Variants in KANSL1 observed in about 807,000 individuals in gnomAD.
KANSL1 encodes the protein MLL1/MLL complex subunit KANSL1.
In KANSL1, 22 loss-of-function variants were observed where a neutral mutation model predicts 103.6. The observed-to-expected ratio is 0.21, with a 90% CI of 0.15 to 0.30. KANSL1 has a LOEUF of 0.30. Among genes scored for constraint, KANSL1 ranks in the 10% least tolerant of loss-of-function variants. KANSL1 has a pLI of 1.00. For missense variants in KANSL1, 1,337 were observed against 1,399.8 expected (o/e 0.96, Z 0.72); for synonymous variants, 600 against 527.6 (o/e 1.14, Z -1.88).
At chr17:46,178,574 A>G (rs1305054952) in intron 1 of KANSL1, among the ~76,000 whole-genome samples, 1 of 152,252 alleles carries the variant, frequency 6.6e-6, no homozygotes, top group Non-Finnish European at 1.5e-5. Context: ...TTGTACAGAT[A>G]AAAGAAAAGG....
At chr17:46,074,971 T>G (rs1001734365) in intron 4 of KANSL1, among the ~76,000 whole-genome samples, 1 of 151,966 alleles carries the variant, frequency 6.6e-6, no homozygotes, top group African/African-American at 2.4e-5. Flanking sequence ...TCTGTGGCAT[T>G]CCTGTAAAAC....
rs193059869 is a variant in KANSL1 at position 46,085,529 on chromosome 17, A to C, written c.1432-2987T>G. 1.5e-3 allele frequency among the ~76,000 whole-genome samples: 225 copies of C among 152,266 alleles called. 1 individual carries two copies. The highest frequency in any genetic ancestry group is 5.2e-3 in the African/African-American group (217 of 41,558). On this transcript the variant is annotated intron_variant, in intron 3 of 14. Coordinates refer to ENST00000432791, the MANE Select transcript of KANSL1 (RefSeq NM_015443.4). ...TGTTGAGACAGGGTCAAGCTCTGTC[A>C]CCTGTGCTGGAGTGCAGTGGTGTGG...
At chr17:46,039,389 G>A (rs766517189) in intron 8 of KANSL1, 174 bp from the exon 9 acceptor site, 159 of 634,552 alleles carry the variant, frequency 2.5e-4, no homozygotes, top group Middle Eastern at 1.7e-3. Flanking sequence ...TAGGCACAGG[G>A]AGCCCAGAAC....
intron 1 of KANSL1, among the ~76,000 whole-genome samples, chr17:46,209,952 G>A (rs1263266222): frequency 1.3e-5 from 2 of 152,130 alleles, no homozygotes; most frequent in Non-Finnish European, 2.9e-5. Flanking sequence ...TGACATATTA[G>A]GTACTCAATA....
At position 46,131,091 on chromosome 17, in the gene KANSL1, A is replaced by C. The variant is rs529464345; in HGVS notation, c.1290-36390T>G. On this transcript the variant is annotated intron_variant, in intron 2 of 14. Coordinates refer to ENST00000432791, the MANE Select transcript of KANSL1 (RefSeq NM_015443.4). ...ATCTTCACCTCATTATAGATACTCA[A>C]ACTGCCACCCGTCTTATTTTTAAAT... Among the ~76,000 whole-genome samples, 7 of 152,304 alleles carry C rather than the reference A, an allele frequency of 4.6e-5. No individual in the cohort carries two copies. The East Asian group carries it at 1.3e-3, about 29-fold the overall frequency.
At chr17:46,160,734 A>AAT (rs1301607233) in intron 2 of KANSL1, among the ~76,000 whole-genome samples, 10 of 152,364 alleles carry the variant, frequency 6.6e-5, no homozygotes, top group African/African-American at 2.4e-4. Context: ...ATTAATGTAT[A>AAT]ATAGTCTTCT....
At chr17:46,043,115 G>C (rs547171816) in intron 7 of KANSL1, 1 of 152,322 alleles carries the variant, frequency 6.6e-6, no homozygotes, top group East Asian at 1.9e-4. Flanking sequence ...ATGTATAAAA[G>C]AGGCTCAAGA....
chr17:46,101,754 C>CAAAAAAAAAAAAAAAAAAAAAAAAAAA (rs372439614), intron 2 of KANSL1, among the ~76,000 whole-genome samples: 1 of 93,682 alleles, frequency 1.1e-5, no homozygotes, highest in Non-Finnish European at 1.8e-5. Flanking sequence ...ACTCTGTCTA[C>CAAAAAAAAAAAAAAAAAAAAAAAAAAA]AAAAAAAAAA....
At chr17:46,170,764 A>G in intron 2 of KANSL1, 91 bp downstream of exon 2, 1 of 1,381,030 alleles carries the variant, frequency 7.2e-7, no homozygotes, top group South Asian at 1.3e-5. Context: ...CCTATGTACA[A>G]AGAATCACAT....
chr17:46,166,085 G>A (rs1262739011), intron 2 of KANSL1, among the ~76,000 whole-genome samples: 2 of 151,606 alleles, frequency 1.3e-5, no homozygotes, highest in Non-Finnish European at 2.9e-5. Context: ...GGTGGTGGGC[G>A]CCTGTAATCC....
chr17:46,160,466 CTTTT>C (rs1028581933), intron 2 of KANSL1, among the ~76,000 whole-genome samples: 1 of 151,900 alleles, frequency 6.6e-6, no homozygotes, highest in African/African-American at 2.4e-5. Context: ...CGCCTGGCTA[CTTTT>C]TTTTGTAGAG....
intron 4 of KANSL1, among the ~76,000 whole-genome samples, chr17:46,079,035 T>TA (rs111411180): frequency 0.14 from 21,748 of 152,072 alleles, 2,128 homozygotes; most frequent in Non-Finnish European, 0.22. Context: ...GAGGTTAAAA[T>TA]AAAAAAAGAG....
chr17:46,177,916 T>C (rs2046603097), intron 1 of KANSL1, among the ~76,000 whole-genome samples: 1 of 152,234 alleles, frequency 6.6e-6, no homozygotes, highest in Admixed American at 6.5e-5. Context: ...TAGCTGGAAC[T>C]ACAGGCGTCC....
chr17:46,039,860 T>C lies in KANSL1; in HGVS notation c.2045A>G (p.Gln682Arg). ...PDDVPTSLHFQSMLKSQWQNK... is the reference protein window; with the variant it reads ...PDDVPTSLHFRSMLKSQWQNK... ...CTGCCACTGAGATTTCAGCATGCTC[T>C]GGAAATGCAGGCTTGTGGGAACATC... The change falls in exon 8 of 15, where the codon CAG becomes CGG. Residue 682 changes from glutamine to arginine, a missense_variant. Gln to Arg is a conservative substitution (Grantham distance 43, BLOSUM62 1). Transcript: ENST00000432791. 6.2e-7 allele frequency: 1 copy of C among 1,614,224 alleles called. No homozygotes were observed. The highest frequency in any genetic ancestry group is 8.5e-7 in the Non-Finnish European group (1 of 1,180,030).
At chr17:46,039,300 T>C in intron 8 of KANSL1, 85 bp from the exon 9 acceptor site, 4 of 1,288,240 alleles carry the variant, frequency 3.1e-6, no homozygotes, top group Non-Finnish European at 3.1e-6. Context: ...GAGTTCTCTC[T>C]AGGCCAACGC....
intron 7 of KANSL1, chr17:46,045,385 T>C (rs1317237109): frequency 6.6e-6 from 1 of 151,164 alleles, no homozygotes; most frequent in Non-Finnish European, 1.5e-5. Flanking sequence ...GTCAACCAAC[T>C]GAGGTGTAAT....
chr17:46,148,626 G>A (rs1293503725), intron 2 of KANSL1, among the ~76,000 whole-genome samples: 9 of 147,334 alleles, frequency 6.1e-5, no homozygotes, highest in African/African-American at 1.5e-4. Flanking sequence ...TCCCTCTGTC[G>A]CCCAGGCTGA....
At chr17:46,135,542 ATTTT>A (rs34258265) in intron 2 of KANSL1, among the ~76,000 whole-genome samples, 5 of 119,068 alleles carry the variant, frequency 4.2e-5, no homozygotes, top group Admixed American at 8.3e-5. Flanking sequence ...TCAACTATAC[ATTTT>A]TTTTTTTTTT....
At chr17:46,045,280 T>C (rs2077463762) in intron 7 of KANSL1, 1 of 152,160 alleles carries the variant, frequency 6.6e-6, no homozygotes, top group African/African-American at 2.4e-5. Context: ...TCTTCTGATT[T>C]CCAAATGGAC....
Sources: allele counts gnomAD v4.1 joint callset (sites outside exome capture counted in the v4.1 genomes callset), GRCh38; gene constraint gnomAD v4.1.1; transcripts MANE v1.5; gene names NCBI Gene and HGNC (gene_info 2026-07-23, HGNC 2026-07-21).